Variants in GTPBP6 observed in about 807,000 individuals in gnomAD.
GTPBP6 encodes the protein GTP binding protein 6, also known as putative GTP-binding protein 6.
Under a neutral mutation model 28.9 loss-of-function variants are expected in GTPBP6, and 33 were observed. The ratio of observed to expected loss-of-function variants is 1.14; its 90% CI spans 0.87 to 1.53. The LOEUF is 1.53. Among genes scored for constraint, GTPBP6 ranks in the 40% most tolerant of loss-of-function variants. The probability of loss-of-function intolerance (pLI) is 0.00; values close to 1 mark genes in which losing one functional copy is unlikely to be tolerated. For missense variants in GTPBP6, 507 were observed against 408.3 expected (o/e 1.24, Z -2.08); for synonymous variants, 231 against 192.7 (o/e 1.20, Z -1.65).
At chrX:309,976 G>C (rs1259422004) in intron 7 of GTPBP6, among the ~76,000 whole-genome samples, 2 of 143,522 alleles carry the variant, frequency 1.4e-5, no homozygotes, top group Non-Finnish European at 3.0e-5. Flanking sequence ...GCCACAGACA[G>C]AGGCAGAGAC....
In GTPBP6 at chrX:314,044, C is replaced by A. The variant is rs781428514; in HGVS notation, c.757+106G>T. Reference sequence around the variant, plus strand: ...AAATGCTACCAGGAGACGGAGACCCCAGCTGGACCCCACCCTGTTGGAATC... The same window carrying A: ...AAATGCTACCAGGAGACGGAGACCCAAGCTGGACCCCACCCTGTTGGAATC... On this transcript the variant is annotated intron_variant, in intron 5 of 9. Transcript: ENST00000326153. 41 of 894,676 alleles carry A rather than the reference C, an allele frequency of 4.6e-5. No individual in the cohort carries two copies. The African/African-American group carries it at 5.9e-4, about 13-fold the overall frequency. The allele number at this position is 894,676 out of a possible 1,614,324, so 55.4% of individuals were successfully genotyped here.
chrX:312,621 T>C (rs2070331976), intron 6 of GTPBP6, 145 bp downstream of exon 6: 5 of 846,928 alleles, frequency 5.9e-6, no homozygotes, highest in Admixed American at 4.0e-5. Context: ...ACGGCGACCA[T>C]GGGAACCCCC....
chrX:307,964 A>C (rs1210603730), intron 7 of GTPBP6, 84 bp from the exon 8 acceptor site: 2 of 1,237,222 alleles, frequency 1.6e-6, no homozygotes, highest in African/African-American at 1.5e-5. Context: ...AGAGGGGCTC[A>C]CACGAGCTCC....
At position 306,098 on chromosome X, in the gene GTPBP6, C is replaced by T. The variant is rs144874086; in HGVS notation, c.1428-901G>A. ...TTTCTTATTGGTAGGGAGACCTGTA[C>T]CCCTTGACTGGCAGCACAGATTAGG... On this transcript the variant is annotated intron_variant, in intron 9 of 9. Transcript: ENST00000326153. Among the ~76,000 whole-genome samples, 892 of 152,354 alleles carry T rather than the reference C, an allele frequency of 5.9e-3. 9 individuals carry two copies. Among genetic ancestry groups the T allele is most frequent in the African/African-American group, 0.02 (827 of 41,592 alleles).
rs2070449533 is a variant in GTPBP6 at position 316,902 on chromosome X, G to C, written c.487+12C>G. On this transcript the variant is annotated intron_variant, in intron 2 of 9. Coordinates refer to ENST00000326153, the Ensembl canonical transcript of GTPBP6. ...GGAGGTTTGGGGAAGGAGCAGGTCTGGACGGACCCACCTGTCAGGTGCTCA... is the reference window on the plus strand; with the variant it reads ...GGAGGTTTGGGGAAGGAGCAGGTCTCGACGGACCCACCTGTCAGGTGCTCA... The C allele has an allele frequency of 2.5e-6, 1 of 398,562 alleles. No individual in the cohort carries two copies. The allele number at this position is 398,562 out of a possible 1,614,324, so 24.7% of individuals were successfully genotyped here.
At chrX:318,632 G>T (rs1487522455) in exon 1 of GTPBP6, 2 of 397,466 alleles carry the variant, frequency 5.0e-6, no homozygotes, top group African/African-American at 2.1e-5. Flanking sequence ...CCCGCCCTCC[G>T]CCCCACGGCC....
chrX:313,910 C>G (rs1480455005), intron 5 of GTPBP6, among the ~76,000 whole-genome samples: 1 of 137,052 alleles, frequency 7.3e-6, no homozygotes, highest in Admixed American at 7.4e-5. Flanking sequence ...TAGGCAAAAC[C>G]TCCAAAAACC....
At chrX:314,392 C>T (rs759194591) in intron 4 of GTPBP6, among the ~76,000 whole-genome samples, 175 bp from the exon 5 acceptor site, 11 of 152,056 alleles carry the variant, frequency 7.2e-5, no homozygotes, top group Middle Eastern at 3.4e-3. Context: ...TGTCCCGGGC[C>T]GAGGGGACCT....
exon 1 of GTPBP6, chrX:318,560 C>G (rs2070483228): frequency 2.5e-6 from 1 of 398,354 alleles, no homozygotes; most frequent in Non-Finnish European, 4.4e-6. Context: ...CGTTCTCGTC[C>G]GCATCTTCCG....
intron 7 of GTPBP6, 122 bp from the exon 8 acceptor site, chrX:308,002 G>T: frequency 1.1e-6 from 1 of 879,952 alleles, no homozygotes; most frequent in Non-Finnish European, 1.6e-6. Flanking sequence ...TGGGAGGTAC[G>T]CCTGTGTGCA....
chrX:311,652 G>T lies in GTPBP6; in HGVS notation c.917-25C>A, dbSNP rs368703051. 331 of 1,564,390 alleles carry T rather than the reference G, an allele frequency of 2.1e-4. 1 individual carries two copies. In the African/African-American group the frequency reaches 3.9e-3, roughly 18 times the overall value. ...CCTAGGAGGGCGTGGAGGTCAGGGC[G>T]CTGCAGAGATCCCTGCGTCCCAACT... On this transcript the variant is annotated intron_variant, in intron 6 of 9. Transcript: ENST00000326153.
chrX:305,637 T>A lies in GTPBP6; in HGVS notation c.1428-440A>T, dbSNP rs747877392. Among the ~76,000 whole-genome samples, 8 of 148,172 alleles carry A rather than the reference T, an allele frequency of 5.4e-5. 1 individual carries two copies. The highest frequency in any genetic ancestry group is 2.1e-4 in the South Asian group (1 of 4,712). ...CGCCCGGCTTTTTATTTTTTATTTT[T>A]TTTTTTGAGACAGAGTCTCGCTCTG... is the stretch of plus-strand genomic sequence containing the variant. On this transcript the variant is annotated intron_variant, in intron 9 of 9. Transcript: ENST00000326153.
At chrX:317,015 T>C (rs1480533030) in exon 2 of GTPBP6, 7 of 398,434 alleles carry the variant, frequency 1.8e-5, no homozygotes, top group African/African-American at 4.1e-5. Flanking sequence ...GTCCAGCGTG[T>C]GCACCAGCGC....
chrX:312,396 G>C (rs765846877), intron 6 of GTPBP6: 1 of 500,712 alleles, frequency 2.0e-6, no homozygotes, highest in East Asian at 5.7e-5. Context: ...TGGGTGGATT[G>C]TGTAGACAGG....
At chrX:313,863 C>T (rs1481506083) in intron 5 of GTPBP6, among the ~76,000 whole-genome samples, 1 of 152,066 alleles carries the variant, frequency 6.6e-6, no homozygotes, top group African/African-American at 2.4e-5. Context: ...GAGCATAGAT[C>T]TCTGCTGTTT....
At chrX:306,634 T>G (rs1295844618) in intron 9 of GTPBP6, among the ~76,000 whole-genome samples, 1 of 150,064 alleles carries the variant, frequency 6.7e-6, no homozygotes. Flanking sequence ...ACATTTTGAC[T>G]GTCAGCACAG....
intron 5 of GTPBP6, 35 bp from the exon 6 acceptor site, chrX:312,959 A>G: frequency 6.3e-7 from 1 of 1,588,460 alleles, no homozygotes; most frequent in Non-Finnish European, 8.6e-7. Flanking sequence ...GCGGTGAGCC[A>G]CGCCGGGAAA....
intron 6 of GTPBP6, 68 bp downstream of exon 6, chrX:312,698 T>TC (rs1192973782): frequency 6.8e-6 from 10 of 1,469,782 alleles, no homozygotes; most frequent in African/African-American, 1.5e-5. Flanking sequence ...CCCCCTGCCC[T>TC]CCCCCGGGCG....
Position 315,690 on chromosome X carries a change from A to ACG in GTPBP6, c.488-392_488-391insCG, listed in dbSNP as rs1475482186. ...CCGGCAGGGACACAAACACATACAC[A>ACG]CACACACACACACACAGTAAATACA... On this transcript the variant is annotated intron_variant, in intron 2 of 9. Coordinates refer to ENST00000326153, the Ensembl canonical transcript of GTPBP6. Among the ~76,000 whole-genome samples the ACG allele has an allele frequency of 2.6e-4, 3 of 11,628 alleles. 1 individual carries two copies. The highest frequency in any genetic ancestry group is 3.8e-4 in the African/African-American group (1 of 2,664). The allele number at this position is 11,628 out of a possible 152,430, so 7.6% of individuals were successfully genotyped here.
Sources: gnomAD v4.1 joint callset for allele counts (sites outside exome capture counted in the v4.1 genomes callset) on GRCh38, gnomAD v4.1.1 for gene constraint, MANE v1.5 for transcripts, NCBI Gene and HGNC (gene_info 2026-07-23, HGNC 2026-07-21) for gene names.